TRIO: variants seen among roughly 807,000 people sequenced by gnomAD.
TRIO encodes the protein triple functional domain protein.
TRIO carries 58 observed loss-of-function variants against 351.9 expected under a neutral mutation model. That is an observed-to-expected ratio of 0.16 (90% CI 0.13 to 0.21). The LOEUF is 0.21. Ranked by LOEUF, TRIO falls within the 10% of genes least tolerant of loss-of-function variation. TRIO has a pLI of 1.00. For missense variants in TRIO, 3,201 were observed against 4,027.8 expected, an observed-to-expected ratio of 0.79 and a Z score of 5.56; for synonymous variants, 1,758 against 1,595.7, an observed-to-expected ratio of 1.10 and a Z score of -2.42.
chr5:14,355,299 T>C (rs962254584), intron 11 of TRIO, among the ~76,000 whole-genome samples: 1 of 152,258 alleles, frequency 6.6e-6, no homozygotes, highest in Admixed American at 6.5e-5. Flanking sequence ...AGTTGGCACA[T>C]ACTTGGTTTG....
At chr5:14,389,216 A>G in intron 24 of TRIO, 73 bp from the exon 25 acceptor site, 4 of 1,119,292 alleles carry the variant, frequency 3.6e-6, no homozygotes, top group Non-Finnish European at 1.3e-6. Context: ...GTGTGTTTAC[A>G]GATGTCAGAA....
chr5:14,370,126 T>C (rs892941096), intron 18 of TRIO, among the ~76,000 whole-genome samples: 2 of 151,054 alleles, frequency 1.3e-5, no homozygotes, highest in Non-Finnish European at 3.0e-5. Context: ...TTTCTTTCTT[T>C]TTTTTTTTTT....
intron 21 of TRIO, among the ~76,000 whole-genome samples, chr5:14,382,146 A>G (rs867530168): frequency 6.6e-6 from 1 of 152,218 alleles, no homozygotes; most frequent in Non-Finnish European, 1.5e-5. Context: ...TAAGAGTGGG[A>G]AATAAATGAT....
intron 33 of TRIO, among the ~76,000 whole-genome samples, chr5:14,410,105 C>T (rs1460349844): frequency 1.3e-5 from 2 of 152,152 alleles, no homozygotes; most frequent in African/African-American, 4.8e-5. Context: ...GATGAAATGT[C>T]GTGTCGTGAG....
intron 8 of TRIO, among the ~76,000 whole-genome samples, chr5:14,313,122 G>A (rs1739070319): frequency 6.6e-6 from 1 of 152,168 alleles, no homozygotes; most frequent in African/African-American, 2.4e-5. Context: ...GTTTTAAAGT[G>A]GGTCCAAGAG....
Position 14,241,401 on chromosome 5 carries a change from C to T in TRIO, c.158-29424C>T, listed in dbSNP as rs16903325. 4.9e-3 allele frequency among the ~76,000 whole-genome samples: 742 copies of T among 152,238 alleles called. 5 individuals are homozygous for T. The highest frequency in any genetic ancestry group is 0.016 in the African/African-American group (663 of 41,542). Reference sequence around the variant, plus strand: ...TCTGTTAGTAATTGTTTGGTAAGATCATACAATTTGTACATAGTAAAGCAA... The same window carrying T: ...TCTGTTAGTAATTGTTTGGTAAGATTATACAATTTGTACATAGTAAAGCAA... On this transcript the variant is annotated intron_variant, in intron 1 of 56. Transcript: ENST00000344204.
intron 8 of TRIO, among the ~76,000 whole-genome samples, chr5:14,312,096 T>C (rs1197366900): frequency 1.3e-5 from 2 of 152,204 alleles, no homozygotes; most frequent in Admixed American, 6.5e-5. Flanking sequence ...GTGAAGAATA[T>C]TCCTGCTGGA....
intron 4 of TRIO, among the ~76,000 whole-genome samples, chr5:14,287,922 T>C (rs1166546743): frequency 1.3e-5 from 2 of 152,248 alleles, no homozygotes; most frequent in Non-Finnish European, 1.5e-5. Flanking sequence ...CATCAGACAG[T>C]GTTAATCCTT....
chr5:14,468,045 C>T (rs546796242), intron 37 of TRIO, among the ~76,000 whole-genome samples: 11 of 152,122 alleles, frequency 7.2e-5, no homozygotes, highest in African/African-American at 1.7e-4. Context: ...TCCCAGGGAA[C>T]GCTGTGAGGC....
intron 16 of TRIO, among the ~76,000 whole-genome samples, chr5:14,367,399 AAGCAGAG>A (rs1744696745): frequency 6.6e-6 from 1 of 152,190 alleles, no homozygotes; most frequent in Non-Finnish European, 1.5e-5. Flanking sequence ...AACCTCAACC[AAGCAGAG>A]AGCTCAGCAA....
At chr5:14,385,026 A>G (rs991889860) in intron 21 of TRIO, among the ~76,000 whole-genome samples, 1 of 152,238 alleles carries the variant, frequency 6.6e-6, no homozygotes, top group Admixed American at 6.5e-5. Context: ...ATATAAGAAA[A>G]GCGTACATCA....
intron 10 of TRIO, among the ~76,000 whole-genome samples, chr5:14,332,687 T>C (rs1741010392): frequency 6.6e-6 from 1 of 152,200 alleles, no homozygotes; most frequent in South Asian, 2.1e-4. Context: ...TTTTTCCTTA[T>C]TAAAAATACT....
chr5:14,347,870 A>G (rs1742575392), intron 11 of TRIO, among the ~76,000 whole-genome samples: 1 of 152,254 alleles, frequency 6.6e-6, no homozygotes, highest in Admixed American at 6.5e-5. Context: ...AGATCCCAAC[A>G]GATCTCAGCA....
chr5:14,385,223 G>T (rs1746435428), intron 21 of TRIO, among the ~76,000 whole-genome samples: 1 of 152,230 alleles, frequency 6.6e-6, no homozygotes, highest in South Asian at 2.1e-4. Flanking sequence ...TGCCCCAGCA[G>T]TTCCAGGTCT....
chr5:14,278,398 A>G (rs890154068), intron 2 of TRIO, among the ~76,000 whole-genome samples: 1 of 152,100 alleles, frequency 6.6e-6, no homozygotes, highest in Non-Finnish European at 1.5e-5. Flanking sequence ...GAGGGAGGAG[A>G]GTGTCATGTG....
chr5:14,153,485 T>C (rs1399572330), intron 1 of TRIO, among the ~76,000 whole-genome samples: 1 of 152,176 alleles, frequency 6.6e-6, no homozygotes, highest in Non-Finnish European at 1.5e-5. Flanking sequence ...GGTAAAATCT[T>C]CCTCTTCACT....
intron 1 of TRIO, among the ~76,000 whole-genome samples, chr5:14,221,700 C>T (rs922769067): frequency 5.3e-5 from 8 of 152,166 alleles, no homozygotes; most frequent in Non-Finnish European, 1.0e-4. Context: ...ACTGCAGTCT[C>T]GTGATTAAAC....
intron 3 of TRIO, among the ~76,000 whole-genome samples, chr5:14,281,352 C>CTTT (rs1173593685): frequency 6.6e-6 from 1 of 151,350 alleles, no homozygotes; most frequent in Non-Finnish European, 1.5e-5. Flanking sequence ...GTGCCACACA[C>CTTT]TTTTAAACAA....
At position 14,487,831 on chromosome 5, in the gene TRIO, G is replaced by T; in HGVS notation, c.7203G>T (p.Gly2401=). 6.6e-7 allele frequency: 1 copy of T among 1,512,248 alleles called. No individual in the cohort carries two copies. The highest frequency in any genetic ancestry group is 8.9e-7 in the Non-Finnish European group (1 of 1,129,610). 93.7% of individuals were successfully genotyped at this position (1,512,248 alleles called of 1,614,324 possible). A position where few individuals can be genotyped will look rare whatever the true frequency, so the allele number is the denominator to read the frequency against. Residue 2401 remains glycine (G), a synonymous_variant, in exon 48 of 57, where the codon GGG becomes GGT. Coordinates refer to ENST00000344204, the MANE Select transcript of TRIO (RefSeq NM_007118.4). ...GGCCCCCCGGCGCGGACGCCGAGGG[G>T]TCCGAGCGAGAAGCGGAGCCGATCC... ...SRRPPGADAE[G]SEREAEPIPK...
Sources: allele counts gnomAD v4.1 joint callset (sites outside exome capture counted in the v4.1 genomes callset), GRCh38; gene constraint gnomAD v4.1.1; transcripts MANE v1.5; gene names NCBI Gene and HGNC (gene_info 2026-07-23, HGNC 2026-07-21).